The following NEGR1 variants were observed in gnomAD, a reference collection of about 807,000 sequenced individuals.
NEGR1 encodes neuronal growth regulator 1, also known as IgLON family member 4.
NEGR1 carries 10 observed loss-of-function variants against 40.9 expected under a neutral mutation model. The ratio of observed to expected loss-of-function variants is 0.24; its 90% CI spans 0.15 to 0.42. The LOEUF is 0.42. Among genes scored for constraint, NEGR1 ranks in the 10% least tolerant of loss-of-function variants. The pLI, the probability that NEGR1 is intolerant of heterozygous loss-of-function variation, is 1.00. For missense variants in NEGR1, 352 were observed against 438.9 expected, an observed-to-expected ratio of 0.80 and a Z score of 1.77; for synonymous variants, 185 against 166.8, an observed-to-expected ratio of 1.11 and a Z score of -0.84.
chr1:71,847,018 C>G (rs1659441392), intron 2 of NEGR1, among the ~76,000 whole-genome samples: 1 of 152,156 alleles, frequency 6.6e-6, no homozygotes, highest in Admixed American at 6.5e-5. Context: ...ACAGTACTTA[C>G]TCTCCAAAAT....
At chr1:72,173,033 G>T (rs1652020502) in intron 1 of NEGR1, among the ~76,000 whole-genome samples, 2 of 151,676 alleles carry the variant, frequency 1.3e-5, no homozygotes, top group Admixed American at 1.3e-4. Flanking sequence ...TTGAGACAGG[G>T]TCTCATTTTG....
At chr1:72,236,766 G>C (rs750626664) in intron 1 of NEGR1, among the ~76,000 whole-genome samples, 15 of 151,886 alleles carry the variant, frequency 9.9e-5, no homozygotes, top group African/African-American at 3.1e-4. Flanking sequence ...TGTTTTTGAT[G>C]ATATAATTCA....
At chr1:71,583,875 C>T (rs971553569) in intron 6 of NEGR1, among the ~76,000 whole-genome samples, 7 of 152,168 alleles carry the variant, frequency 4.6e-5, no homozygotes, top group Non-Finnish European at 7.3e-5. Flanking sequence ...CACATATGCA[C>T]TAATTGGATT....
intron 1 of NEGR1, among the ~76,000 whole-genome samples, chr1:72,073,047 T>C (rs1647540983): frequency 6.6e-6 from 1 of 152,144 alleles, no homozygotes; most frequent in African/African-American, 2.4e-5. Flanking sequence ...GCTCCTGGCA[T>C]TAAACACCTA....
At chr1:71,790,237 T>C (rs1557653257) in intron 2 of NEGR1, among the ~76,000 whole-genome samples, 1 of 152,116 alleles carries the variant, frequency 6.6e-6, no homozygotes, top group African/African-American at 2.4e-5. Context: ...ACAACTTGTA[T>C]TGGTGGTAGA....
intron 3 of NEGR1, among the ~76,000 whole-genome samples, chr1:71,698,577 C>T (rs866927779): frequency 6.6e-6 from 1 of 151,702 alleles, no homozygotes; most frequent in Non-Finnish European, 1.5e-5. Flanking sequence ...AATCTCCTAC[C>T]CTTATTCAAG....
intron 4 of NEGR1, among the ~76,000 whole-genome samples, chr1:71,669,871 C>T (rs993167505): frequency 2.0e-5 from 3 of 152,058 alleles, no homozygotes; most frequent in Non-Finnish European, 4.4e-5. Context: ...AGGATGGTCT[C>T]GATCTGACCT....
intron 1 of NEGR1, among the ~76,000 whole-genome samples, chr1:71,945,864 T>C (rs1276131099): frequency 6.6e-6 from 1 of 152,166 alleles, no homozygotes; most frequent in African/African-American, 2.4e-5. Context: ...GCATGGGAGA[T>C]AGGTTTATAA....
chr1:71,828,198 T>C (rs949591302), intron 2 of NEGR1, among the ~76,000 whole-genome samples: 5 of 151,990 alleles, frequency 3.3e-5, no homozygotes, highest in Non-Finnish European at 5.9e-5. Flanking sequence ...ACCTCTCTTA[T>C]TCTGCAATGA....
At chr1:72,255,153 G>T (rs1174720360) in intron 1 of NEGR1, among the ~76,000 whole-genome samples, 1 of 150,816 alleles carries the variant, frequency 6.6e-6, no homozygotes, top group Non-Finnish European at 1.5e-5. Context: ...ATGAACCTGT[G>T]AACAGGGACA....
At chr1:71,441,464 C>A (rs1485813320) in intron 6 of NEGR1, among the ~76,000 whole-genome samples, 1 of 152,130 alleles carries the variant, frequency 6.6e-6, no homozygotes, top group African/African-American at 2.4e-5. Flanking sequence ...ATTTTTGAAC[C>A]TAGACCACAA....
intron 6 of NEGR1, among the ~76,000 whole-genome samples, chr1:71,479,053 T>G (rs1449299096): frequency 6.6e-6 from 1 of 152,026 alleles, no homozygotes; most frequent in Non-Finnish European, 1.5e-5. Flanking sequence ...TGCTTAAAAT[T>G]TATACAATGT....
intron 2 of NEGR1, among the ~76,000 whole-genome samples, chr1:71,840,864 C>A (rs761910683): frequency 6.6e-6 from 1 of 152,048 alleles, no homozygotes; most frequent in African/African-American, 2.4e-5. Context: ...ATAATATAGG[C>A]GGGCCCCATC....
chr1:71,847,130 T>C (rs948739097), intron 2 of NEGR1, among the ~76,000 whole-genome samples: 2 of 152,206 alleles, frequency 1.3e-5, no homozygotes, highest in Admixed American at 1.3e-4. Flanking sequence ...GCTTTGGATA[T>C]CAAGTCAGAA....
At chr1:71,928,186 ATG>A (rs373211088) in intron 2 of NEGR1, among the ~76,000 whole-genome samples, 1 of 80,386 alleles carries the variant, frequency 1.2e-5, no homozygotes, top group Non-Finnish European at 2.6e-5. Flanking sequence ...ATACACACAT[ATG>A]TATATACGTA....
In NEGR1 at chr1:71,400,521, G is replaced by A. The variant is rs1006871513; in HGVS notation, c.*6925C>T. On this transcript the variant is annotated 3_prime_UTR_variant, in exon 7 of 7. Transcript: ENST00000357731. ...TATTTTTTCAACAAGGTGGATTCTC[G>A]AAGCAAGGTAGTTCTTGTGACTGTT... is the stretch of plus-strand genomic sequence containing the variant. 4.0e-5 allele frequency: 6 copies of A among 151,650 alleles called. No individual in the cohort carries two copies. The highest frequency in any genetic ancestry group is 4.8e-5 in the African/African-American group (2 of 41,252). 9.4% of individuals were successfully genotyped at this position (151,650 alleles called of 1,614,324 possible).
chr1:71,718,699 T>C (rs1467607699), intron 3 of NEGR1, among the ~76,000 whole-genome samples: 4 of 152,232 alleles, frequency 2.6e-5, no homozygotes, highest in Non-Finnish European at 5.9e-5. Flanking sequence ...TCACAGGATA[T>C]ATAAAAAAGC....
chr1:71,410,235 T>G (rs538477514), intron 6 of NEGR1, among the ~76,000 whole-genome samples: 2 of 152,262 alleles, frequency 1.3e-5, no homozygotes, highest in South Asian at 4.1e-4. Context: ...TTGCAATTGT[T>G]ACAGGCAGTA....
chr1:71,572,718 G>A (rs1331806252), intron 6 of NEGR1, among the ~76,000 whole-genome samples: 4 of 152,110 alleles, frequency 2.6e-5, no homozygotes, highest in South Asian at 2.1e-4. Flanking sequence ...CCTACTCGAC[G>A]TTGGAGTTAT....
Sources: allele counts gnomAD v4.1 joint callset (sites outside exome capture counted in the v4.1 genomes callset), GRCh38; gene constraint gnomAD v4.1.1; transcripts MANE v1.5; gene names NCBI Gene and HGNC (gene_info 2026-07-23, HGNC 2026-07-21).